The following UGP2 variants were observed in gnomAD, a reference collection of about 807,000 sequenced individuals.
UGP2 encodes the protein UDP-glucose pyrophosphorylase 2.
In UGP2, 40 loss-of-function variants were observed where a neutral mutation model predicts 49.0. The ratio of observed to expected loss-of-function variants is 0.82; its 90% CI spans 0.63 to 1.06. The LOEUF is 1.06. UGP2 is among the 50% of genes least tolerant of loss of function. UGP2 has a pLI of 0.00. For missense variants in UGP2, 460 were observed against 603.5 expected (o/e 0.76, Z 2.49); for synonymous variants, 225 against 213.0 (o/e 1.06, Z -0.49).
chr2:63,851,909 C>T (rs1016413011), intron 1 of UGP2, among the ~76,000 whole-genome samples: 13 of 152,206 alleles, frequency 8.5e-5, no homozygotes, highest in South Asian at 4.2e-4. Context: ...CTAATCATGG[C>T]AGAAGAAACG....
intron 3 of UGP2, among the ~76,000 whole-genome samples, chr2:63,861,728 A>G (rs1006171099): frequency 1.5e-4 from 23 of 151,830 alleles, no homozygotes; most frequent in African/African-American, 4.6e-4. Flanking sequence ...TTTCATTTCA[A>G]TATTTAATAG....
At chr2:63,885,411 T>C (rs2104359751) in intron 5 of UGP2, among the ~76,000 whole-genome samples, 178 bp from the exon 6 acceptor site, 1 of 152,264 alleles carries the variant, frequency 6.6e-6, no homozygotes, top group East Asian at 1.9e-4. Flanking sequence ...GGAAAACAGA[T>C]TTTGGACAAC....
intron 3 of UGP2, among the ~76,000 whole-genome samples, chr2:63,862,005 T>C (rs1486284455): frequency 6.6e-6 from 1 of 151,964 alleles, no homozygotes; most frequent in Non-Finnish European, 1.5e-5. Context: ...TTTCTGAAGG[T>C]GAACCGTAGT....
At chr2:63,846,446 A>AT (rs36035259) in intron 1 of UGP2, among the ~76,000 whole-genome samples, 1 of 4,970 alleles carries the variant, frequency 2.0e-4, no homozygotes, top group African/African-American at 8.5e-4. Flanking sequence ...TTGTTTTTTT[A>AT]AAAAAAATGA....
At chr2:63,863,986 C>A (rs1670016252) in intron 3 of UGP2, among the ~76,000 whole-genome samples, 1 of 152,186 alleles carries the variant, frequency 6.6e-6, no homozygotes, top group South Asian at 2.1e-4. Flanking sequence ...GGAAAATATT[C>A]TCTTATTTCA....
chr2:63,854,079 G>A (rs1009198892), intron 1 of UGP2, among the ~76,000 whole-genome samples: 3 of 152,166 alleles, frequency 2.0e-5, no homozygotes, highest in African/African-American at 7.2e-5. Flanking sequence ...CATTAGCAAG[G>A]TATTTCTGCC....
At chr2:63,862,563 G>A (rs1470434700) in intron 3 of UGP2, among the ~76,000 whole-genome samples, 1 of 152,074 alleles carries the variant, frequency 6.6e-6, no homozygotes, top group East Asian at 1.9e-4. Flanking sequence ...AATAGCAATA[G>A]CAAATACATG....
Position 63,886,485 on chromosome 2 carries a change from A to C in UGP2, c.1018A>C (p.Lys340Gln), listed in dbSNP as rs376047157. The change falls in exon 7 of 10, where the codon AAA becomes CAA. Residue 340 changes from lysine to glutamine, a missense_variant. Physicochemically the swap from Lys to Gln is moderately conservative, Grantham distance 53. Transcript: ENST00000337130. Reference sequence around the variant, plus strand: ...CCTATGGATTTCTCTTGCAGCAGTTAAAAGACTGCAGGAGCAAAATGCCAT... The same window carrying C: ...CCTATGGATTTCTCTTGCAGCAGTTCAAAGACTGCAGGAGCAAAATGCCAT... Reference protein sequence around the residue: ...NNLWISLAAVKRLQEQNAIDM... With the variant: ...NNLWISLAAVQRLQEQNAIDM... 58 of 1,614,196 alleles carry C rather than the reference A, an allele frequency of 3.6e-5. No homozygotes were observed. The African/African-American group carries it at 7.7e-4, about 22-fold the overall frequency.
chr2:63,886,818 ACT>A (rs1671707954), intron 7 of UGP2, among the ~76,000 whole-genome samples: 1 of 152,118 alleles, frequency 6.6e-6, no homozygotes, highest in Non-Finnish European at 1.5e-5. Context: ...TTGCTCTGAC[ACT>A]CATAGGTCAT....
intron 7 of UGP2, 106 bp from the exon 8 acceptor site, chr2:63,887,296 A>T: frequency 6.7e-7 from 1 of 1,488,786 alleles, no homozygotes; most frequent in South Asian, 1.4e-5. Flanking sequence ...TTTTTCCATC[A>T]ATGGATCTCT....
intron 8 of UGP2, chr2:63,888,303 A>G (rs1332013039): frequency 6.6e-6 from 1 of 152,370 alleles, no homozygotes; most frequent in Non-Finnish European, 1.5e-5. Context: ...TGTCATCAGT[A>G]TGTTCTTGGA....
intron 3 of UGP2, among the ~76,000 whole-genome samples, chr2:63,870,767 T>C (rs1423420108): frequency 6.6e-6 from 1 of 152,034 alleles, no homozygotes; most frequent in Non-Finnish European, 1.5e-5. Context: ...TGGTGGGGAG[T>C]ATCAGGTGGA....
chr2:63,856,150 A>G, intron 1 of UGP2, 156 bp from the exon 2 acceptor site: 3 of 829,614 alleles, frequency 3.6e-6, no homozygotes, highest in Non-Finnish European at 5.4e-6. Context: ...AACGAGTCCT[A>G]ACTAGTTGAC....
intron 3 of UGP2, among the ~76,000 whole-genome samples, chr2:63,869,316 C>T (rs1317777868): frequency 6.6e-6 from 1 of 152,148 alleles, no homozygotes; most frequent in East Asian, 1.9e-4. Context: ...TTTATTAAAG[C>T]ATTTAATATT....
chr2:63,867,216 T>TA (rs1487492337), intron 3 of UGP2, among the ~76,000 whole-genome samples: 1 of 152,226 alleles, frequency 6.6e-6, no homozygotes, highest in Admixed American at 6.5e-5. Context: ...ACCACCTACA[T>TA]ATACATTTTG....
At chr2:63,851,696 A>G (rs1304342370) in intron 1 of UGP2, among the ~76,000 whole-genome samples, 1 of 152,140 alleles carries the variant, frequency 6.6e-6, no homozygotes, top group Non-Finnish European at 1.5e-5. Context: ...GAACAATCTT[A>G]TAGTTAGGAT....
Position 63,856,402 on chromosome 2 carries a change from TACTC to T in UGP2, c.119_122del (p.Leu40ProfsTer52), listed in dbSNP as rs1558938308. 1 of 1,613,080 alleles carries T rather than the reference TACTC, an allele frequency of 6.2e-7. No homozygotes were observed. Among genetic ancestry groups the T allele is most frequent in the African/African-American group, 1.3e-5 (1 of 74,862 alleles). On this transcript the variant is annotated frameshift_variant, in exon 2 of 10. Coordinates refer to ENST00000337130, the MANE Select transcript of UGP2 (RefSeq NM_006759.4). LOFTEE classifies it high-confidence loss of function. ...TCTGTGAAGAAGGAACTAGAAAAAA[TACTC>T]ACCACAGCATCATCACATGAATTTG... is the stretch of plus-strand genomic sequence containing the variant.
chr2:63,867,770 C>CAAGTAG (rs1670277848), intron 3 of UGP2, among the ~76,000 whole-genome samples: 1 of 152,140 alleles, frequency 6.6e-6, no homozygotes, highest in African/African-American at 2.4e-5. Context: ...GATATCCTAT[C>CAAGTAG]AAGTAGAAGA....
chr2:63,857,979 G>GAT, intron 3 of UGP2, 43 bp downstream of exon 3: 1 of 1,592,092 alleles, frequency 6.3e-7, no homozygotes. Flanking sequence ...GGTAATCTTG[G>GAT]GCACTGGTTT....
Sources: allele counts gnomAD v4.1 joint callset (sites outside exome capture counted in the v4.1 genomes callset), GRCh38; gene constraint gnomAD v4.1.1; transcripts MANE v1.5; gene names NCBI Gene and HGNC (gene_info 2026-07-23, HGNC 2026-07-21).